UBA6: variants seen among roughly 807,000 people sequenced by gnomAD.
UBA6 encodes the protein ubiquitin-like modifier-activating enzyme 6.
UBA6 carries 87 observed loss-of-function variants against 148.3 expected under a neutral mutation model. The ratio of observed to expected loss-of-function variants is 0.59; its 90% CI spans 0.49 to 0.70. UBA6 has a LOEUF of 0.70. UBA6 is among the 30% of genes least tolerant of loss of function. UBA6 has a pLI of 0.00. For synonymous variants in UBA6, 376 were observed against 401.0 expected (o/e 0.94, Z 0.75); for missense variants, 1,186 against 1,241.2 (o/e 0.96, Z 0.67).
chr4:67,670,139 T>C (rs775880186), intron 8 of UBA6, among the ~76,000 whole-genome samples: 14 of 152,110 alleles, frequency 9.2e-5, no homozygotes, highest in Non-Finnish European at 1.6e-4. Context: ...ACATGGGGTT[T>C]CACCATGTTG....
intron 19 of UBA6, among the ~76,000 whole-genome samples, chr4:67,636,597 T>G (rs889746170): frequency 6.6e-6 from 1 of 152,230 alleles, no homozygotes; most frequent in Non-Finnish European, 1.5e-5. Context: ...TTTTGCAGTG[T>G]TGGCCGGGCT....
intron 19 of UBA6, among the ~76,000 whole-genome samples, chr4:67,636,924 C>A (rs1729162823): frequency 6.6e-6 from 1 of 150,970 alleles, no homozygotes; most frequent in Admixed American, 6.6e-5. Context: ...TCTTCCCGGC[C>A]GCCATCCCGT....
At chr4:67,669,919 A>C (rs1730098979) in intron 8 of UBA6, among the ~76,000 whole-genome samples, 1 of 151,888 alleles carries the variant, frequency 6.6e-6, no homozygotes, top group African/African-American at 2.4e-5. Flanking sequence ...TATGACAAGC[A>C]AATGTTGCTC....
rs1056880475 is a variant in UBA6 at position 67,626,432 on chromosome 4, T to C, written c.2446A>G (p.Ile816Val). 1.1e-5 allele frequency: 17 copies of C among 1,611,612 alleles called. No homozygotes were observed. Among genetic ancestry groups the C allele is most frequent in the Non-Finnish European group, 1.4e-5 (16 of 1,178,390 alleles). The change falls in exon 28 of 33, where the codon ATT becomes GTT. Residue 816 changes from isoleucine (I) to valine (V), a missense_variant. Transcript: ENST00000322244. ...ETARKPDHVP[I>V]SSEDERNAIF... ...GCATTCCTCTCATCTTCACTGCTAA[T>C]AGGAACATGGTCTGGTTTCCTTGCA...
At chr4:67,696,827 C>A in intron 1 of UBA6, 120 bp from the exon 2 acceptor site, 2 of 681,018 alleles carry the variant, frequency 2.9e-6, no homozygotes, top group East Asian at 5.6e-5. Context: ...ATTTTATTAA[C>A]AACCACTTTA....
At chr4:67,698,401 C>G (rs1435604772) in intron 1 of UBA6, among the ~76,000 whole-genome samples, 1 of 152,118 alleles carries the variant, frequency 6.6e-6, no homozygotes, top group Non-Finnish European at 1.5e-5. Context: ...AATAGATAAC[C>G]CTGTGCTACA....
Position 67,663,885 on chromosome 4 carries a change from C to T in UBA6, c.960G>A (p.Glu320=). ...TCAAACCTGCAAAGTGTTTATTTAC[C>T]TCAGGGTTGCTAAAATCCACAATAA... ...KCLIVDFSNP[E]APLEIHTAML... is the part of the protein sequence containing the mutation. Residue 320 remains glutamate, a splice_region_variant and synonymous_variant, in exon 11 of 33, where the codon GAG becomes GAA. Coordinates refer to ENST00000322244, the MANE Select transcript of UBA6 (RefSeq NM_018227.6). 6.2e-7 allele frequency: 1 copy of T among 1,613,166 alleles called. No homozygotes were observed. The highest frequency in any genetic ancestry group is 8.5e-7 in the Non-Finnish European group (1 of 1,179,404).
At chr4:67,672,669 C>T (rs997630900) in intron 7 of UBA6, among the ~76,000 whole-genome samples, 2 of 152,122 alleles carry the variant, frequency 1.3e-5, no homozygotes, top group African/African-American at 4.8e-5. Flanking sequence ...TCCTCTTTAC[C>T]ACTCTATTTT....
intron 32 of UBA6, among the ~76,000 whole-genome samples, chr4:67,622,054 T>C (rs1728764126): frequency 6.6e-6 from 1 of 152,158 alleles, no homozygotes; most frequent in African/African-American, 2.4e-5. Flanking sequence ...AAAGGTCCCA[T>C]GCTGGAGCAT....
chr4:67,666,857 A>T (rs933458137), intron 9 of UBA6, among the ~76,000 whole-genome samples: 2 of 152,156 alleles, frequency 1.3e-5, no homozygotes, highest in African/African-American at 4.8e-5. Context: ...CCTGGGCAAC[A>T]GAGCAAGATG....
At position 67,626,412 on chromosome 4, in the gene UBA6, C is replaced by G; in HGVS notation, c.2466G>C (p.Arg822Ser). ...CCTTTTCTAGTTGGAAAATTGCATT[C>G]CTCTCATCTTCACTGCTAATAGGAA... is the stretch of plus-strand genomic sequence containing the variant. ...DHVPISSEDE[R>S]NAIFQLEKAI... The change falls in exon 28 of 33, where the codon AGG becomes AGC. Residue 822 changes from arginine to serine, a missense_variant. Physicochemically the swap from Arg to Ser is moderately radical, Grantham distance 110. Transcript: ENST00000322244. 1 of 1,611,498 alleles carries G rather than the reference C, an allele frequency of 6.2e-7. No individual in the cohort carries two copies. Among genetic ancestry groups the G allele is most frequent in the Non-Finnish European group, 8.5e-7 (1 of 1,178,336 alleles).
At chr4:67,656,745 CTG>C (rs1729707140) in intron 13 of UBA6, among the ~76,000 whole-genome samples, 1 of 152,190 alleles carries the variant, frequency 6.6e-6, no homozygotes, top group African/African-American at 2.4e-5. Flanking sequence ...CAAATTGTCT[CTG>C]TTTGCAGATG....
At chr4:67,657,229 A>G (rs1729720574) in intron 13 of UBA6, among the ~76,000 whole-genome samples, 1 of 152,226 alleles carries the variant, frequency 6.6e-6, no homozygotes, top group African/African-American at 2.4e-5. Context: ...AGCCAAGACA[A>G]TCCTAAGCAA....
rs746472766 is a variant in UBA6, at chr4:67,619,013, C to T, written c.3143G>A (p.Ser1048Asn). 1.9e-6 allele frequency: 3 copies of T among 1,613,936 alleles called. No individual in the cohort carries two copies. Among genetic ancestry groups the T allele is most frequent in the East Asian group, 2.2e-5 (1 of 44,852 alleles). ...LPGPPVRYYF[S>N]HDTD ...CAACTTGTATTAATCAGTGTCATGA[C>T]TGAAGTAGTATCTTACTGGAGGTCC... Residue 1048 changes from serine (S) to asparagine (N), a missense_variant, in exon 33 of 33, where the codon AGT becomes AAT. Transcript: ENST00000322244.
At chr4:67,640,704 T>C (rs1477551695) in intron 18 of UBA6, among the ~76,000 whole-genome samples, 3 of 152,038 alleles carry the variant, frequency 2.0e-5, no homozygotes, top group South Asian at 2.1e-4. Context: ...AAGGAGAAAA[T>C]TGAGAACAAG....
At chr4:67,695,204 G>A (rs1730804490) in intron 2 of UBA6, among the ~76,000 whole-genome samples, 1 of 152,162 alleles carries the variant, frequency 6.6e-6, no homozygotes, top group Admixed American at 6.5e-5. Flanking sequence ...AGGACATTAA[G>A]AATATAATTA....
intron 18 of UBA6, among the ~76,000 whole-genome samples, chr4:67,639,349 A>G (rs1380691105): frequency 2.0e-5 from 3 of 152,194 alleles, no homozygotes; most frequent in African/African-American, 4.8e-5. Flanking sequence ...ACAAATTATT[A>G]ATAAAAATCT....
chr4:67,616,237 A>G lies in UBA6; in HGVS notation c.*2760T>C, dbSNP rs941102828. The G allele has an allele frequency of 2.5e-6, 1 of 395,058 alleles. No homozygotes were observed. The highest frequency in any genetic ancestry group is 2.1e-5 in the African/African-American group (1 of 48,446). 24.5% of individuals were successfully genotyped at this position (395,058 alleles called of 1,614,324 possible). A position where few individuals can be genotyped will look rare whatever the true frequency, so the allele number is the denominator to read the frequency against. On this transcript the variant is annotated 3_prime_UTR_variant, in exon 33 of 33. Coordinates refer to ENST00000322244, the MANE Select transcript of UBA6 (RefSeq NM_018227.6). ...AAGTAAAATCGCTAAATCCATACAC[A>G]GTGATTATATAAAATTAGATATTTG...
At chr4:67,678,069 CT>C (rs1730330034) in intron 5 of UBA6, among the ~76,000 whole-genome samples, 1 of 143,070 alleles carries the variant, frequency 7.0e-6, no homozygotes, top group African/African-American at 2.5e-5. Context: ...ATATATATAT[CT>C]TTTATATATA....
Sources: allele counts gnomAD v4.1 joint callset (sites outside exome capture counted in the v4.1 genomes callset), GRCh38; gene constraint gnomAD v4.1.1; transcripts MANE v1.5; gene names NCBI Gene and HGNC (gene_info 2026-07-23, HGNC 2026-07-21).